The following MYO9B variants were observed in gnomAD, a reference collection of about 807,000 sequenced individuals.
The protein encoded by MYO9B is unconventional myosin-IXb.
In MYO9B, 71 loss-of-function variants were observed where a neutral mutation model predicts 229.5. The observed-to-expected ratio is 0.31, with a 90% CI of 0.26 to 0.38. The LOEUF is 0.38. Ranked by LOEUF, MYO9B falls within the 10% of genes least tolerant of loss-of-function variation. The pLI, the probability that MYO9B is intolerant of heterozygous loss-of-function variation, is 1.00. For synonymous variants in MYO9B, 1,185 were observed against 1,235.8 expected (o/e 0.96, Z 0.86); for missense variants, 2,255 against 2,920.5 (o/e 0.77, Z 5.25).
At chr19:17,107,378 T>C (rs1185994544) in intron 2 of MYO9B, among the ~76,000 whole-genome samples, 1 of 152,128 alleles carries the variant, frequency 6.6e-6, no homozygotes, top group East Asian at 1.9e-4. Flanking sequence ...CCCCAGGGTC[T>C]CAAAGTGGCA....
chr19:17,154,472 C>T, intron 6 of MYO9B, 57 bp downstream of exon 6: 1 of 1,347,298 alleles, frequency 7.4e-7, no homozygotes, highest in Non-Finnish European at 1.0e-6. Flanking sequence ...GCACGCATGG[C>T]CCTTACCAGT....
At chr19:17,194,172 A>AAAAATAAAAT (rs59395007) in intron 21 of MYO9B, among the ~76,000 whole-genome samples, 19,533 of 148,398 alleles carry the variant, frequency 0.13, 1,696 homozygotes, top group East Asian at 0.43. Context: ...ACTCTGTCTC[A>AAAAATAAAAT]AAAATAAAAT....
At chr19:17,111,667 G>A (rs1405306011) in intron 2 of MYO9B, among the ~76,000 whole-genome samples, 1 of 152,120 alleles carries the variant, frequency 6.6e-6, no homozygotes, top group East Asian at 1.9e-4. Context: ...AGGCAAAAGT[G>A]TGCAATTCAG....
intron 1 of MYO9B, among the ~76,000 whole-genome samples, chr19:17,079,117 TGGG>T (rs780171405): frequency 5.9e-5 from 9 of 152,118 alleles, no homozygotes; most frequent in Non-Finnish European, 1.0e-4. Flanking sequence ...ACGTGTCCCC[TGGG>T]GGCAGAATCA....
At position 17,203,002 on chromosome 19, in the gene MYO9B, C is replaced by T. The variant is rs183436874; in HGVS notation, c.4878+119C>T. ...CTGCACGCGTATGTGTGCGTGGACA[C>T]GTGTGAGTGTGTTTTTCCCCCGGCA... is the stretch of plus-strand genomic sequence containing the variant. On this transcript the variant is annotated intron_variant, in intron 29 of 39. Coordinates refer to ENST00000682292, the MANE Select transcript of MYO9B (RefSeq NM_004145.4). 163 of 1,398,002 alleles carry T rather than the reference C, an allele frequency of 1.2e-4. No individual in the cohort carries two copies. The East Asian group carries it at 3.7e-3, about 32-fold the overall frequency. The allele number at this position is 1,398,002 out of a possible 1,614,324, so 86.6% of individuals were successfully genotyped here.
chr19:17,155,714 A>G (rs139727097), intron 6 of MYO9B, among the ~76,000 whole-genome samples: 71 of 151,756 alleles, frequency 4.7e-4, no homozygotes, highest in Non-Finnish European at 6.9e-4. Flanking sequence ...TCACAGCTAC[A>G]ATGAGCTAAG....
rs1365062875 is a variant in MYO9B, at chr19:17,195,853, G to A, written c.4046+380G>A. 6.6e-6 allele frequency among the ~76,000 whole-genome samples: 1 copy of A among 152,044 alleles called. No homozygotes were observed. Among genetic ancestry groups the A allele is most frequent in the Non-Finnish European group, 1.5e-5 (1 of 68,020 alleles). On this transcript the variant is annotated intron_variant, in intron 22 of 39. Coordinates refer to ENST00000682292, the MANE Select transcript of MYO9B (RefSeq NM_004145.4). This position sits in a 1 kb window ranked among gnomAD's most constrained non-coding sequence, Gnocchi z 4.5. ...AGGAGCAGGGGCTTGCTCTGCCTGA[G>A]CCTTAGTAAGCCAAGTGTCAGTGAC... is the stretch of plus-strand genomic sequence containing the variant.
chr19:17,103,499 T>C (rs2057765398), intron 2 of MYO9B: 1 of 152,294 alleles, frequency 6.6e-6, no homozygotes, highest in African/African-American at 2.4e-5. Flanking sequence ...CTTGTTTGAA[T>C]TATTTCAATG....
At chr19:17,205,076 G>A (rs147770907) in intron 30 of MYO9B, among the ~76,000 whole-genome samples, 187 bp from the exon 31 acceptor site, 2,072 of 152,018 alleles carry the variant, frequency 0.014, 31 homozygotes, top group African/African-American at 0.041. Flanking sequence ...ACTTGAACCC[G>A]GGAGGCGGAG....
chr19:17,154,495 T>A, intron 6 of MYO9B, 80 bp downstream of exon 6: 1 of 1,086,450 alleles, frequency 9.2e-7, no homozygotes, highest in South Asian at 1.4e-5. Context: ...CTCTGAGGTC[T>A]AACCTGCAAC....
chr19:17,170,964 C>G (rs527554737), intron 11 of MYO9B, among the ~76,000 whole-genome samples: 56 of 151,916 alleles, frequency 3.7e-4, no homozygotes, highest in African/African-American at 1.4e-3. Context: ...TCTTTAAAAT[C>G]TTGCTATTTT....
At chr19:17,157,182 A>G in intron 7 of MYO9B, 144 bp downstream of exon 7, 2 of 1,033,820 alleles carry the variant, frequency 1.9e-6, no homozygotes, top group South Asian at 3.5e-5. Flanking sequence ...TCATCTCTAC[A>G]GTGTTCCTTC....
chr19:17,161,066 C>G (rs987228004), intron 8 of MYO9B, among the ~76,000 whole-genome samples: 80 of 152,022 alleles, frequency 5.3e-4, no homozygotes, highest in African/African-American at 1.8e-3. Context: ...TCCCAGAGTA[C>G]TGGGATGACA....
intron 3 of MYO9B, among the ~76,000 whole-genome samples, chr19:17,147,483 G>T (rs577488597): frequency 5.5e-5 from 8 of 145,114 alleles, no homozygotes; most frequent in African/African-American, 2.1e-4. Context: ...GGCGGAGATT[G>T]CAGTGAGCCA....
intron 10 of MYO9B, among the ~76,000 whole-genome samples, chr19:17,164,674 G>A (rs1038075804): frequency 2.0e-5 from 3 of 152,146 alleles, no homozygotes; most frequent in African/African-American, 2.4e-5. Flanking sequence ...GAGCCACCGC[G>A]CCTGGCCCTG....
intron 2 of MYO9B, among the ~76,000 whole-genome samples, chr19:17,130,344 C>T (rs1291055648): frequency 2.0e-5 from 3 of 152,016 alleles, no homozygotes; most frequent in African/African-American, 4.8e-5. Context: ...TGGCCGGGCA[C>T]GGTGGCTCAC....
chr19:17,114,785 G>C lies in MYO9B; in HGVS notation c.840+12228G>C, dbSNP rs531925197. ...AGGTGCTGGCTGTGGCTCAGGTCTC[G>C]CTCCTTTAAGCATCTCCCCAGCAGG... On this transcript the variant is annotated intron_variant, in intron 2 of 39. Coordinates refer to ENST00000682292, the MANE Select transcript of MYO9B (RefSeq NM_004145.4). Among the ~76,000 whole-genome samples the C allele has an allele frequency of 1.1e-4, 16 of 151,956 alleles. No individual in the cohort carries two copies. The South Asian group carries it at 2.5e-3, about 24-fold the overall frequency.
chr19:17,096,298 TC>T (rs1215379380), intron 1 of MYO9B, among the ~76,000 whole-genome samples: 1 of 152,144 alleles, frequency 6.6e-6, no homozygotes, highest in Non-Finnish European at 1.5e-5. Context: ...CCTGAGTAAC[TC>T]CTGAGAGGGG....
chr19:17,134,454 C>G (rs193263598), intron 2 of MYO9B, among the ~76,000 whole-genome samples: 138 of 123,648 alleles, frequency 1.1e-3, no homozygotes, highest in Non-Finnish European at 1.6e-3. Flanking sequence ...TGCAGTGGTG[C>G]GATCTCAGCT....
Sources: allele counts gnomAD v4.1 joint callset (sites outside exome capture counted in the v4.1 genomes callset), GRCh38; gene constraint gnomAD v4.1.1; non-coding constraint Gnocchi (gnomAD v3.1); transcripts MANE v1.5; gene names NCBI Gene and HGNC (gene_info 2026-07-23, HGNC 2026-07-21).